The following NEK1 variants were observed in gnomAD, a reference collection of about 807,000 sequenced individuals.
NEK1 encodes the protein serine/threonine-protein kinase Nek1.
NEK1 carries 137 observed loss-of-function variants against 182.1 expected under a neutral mutation model. That is an observed-to-expected ratio of 0.75 (90% CI 0.65 to 0.87). The LOEUF (loss-of-function observed/expected upper bound fraction) is 0.87, where lower values mean the gene tolerates loss of function less well. Ranked by LOEUF, NEK1 falls within the 40% of genes least tolerant of loss-of-function variation. NEK1 has a pLI of 0.00. For synonymous variants in NEK1, 513 were observed against 492.2 expected (o/e 1.04, Z -0.56); for missense variants, 1,391 against 1,494.4 (o/e 0.93, Z 1.14).
At chr4:169,419,752 T>G (rs947868690) in intron 31 of NEK1, among the ~76,000 whole-genome samples, 1 of 152,228 alleles carries the variant, frequency 6.6e-6, no homozygotes, top group Non-Finnish European at 1.5e-5. Flanking sequence ...ATCTAGGATA[T>G]GTGGTACAGC....
At chr4:169,581,233 T>C (rs1204874475) in intron 10 of NEK1, among the ~76,000 whole-genome samples, 4 of 151,926 alleles carry the variant, frequency 2.6e-5, no homozygotes, top group African/African-American at 9.7e-5. Context: ...ATTCCTCTCA[T>C]GCTTACTCCC....
chr4:169,500,733 C>T (rs1752281292), intron 23 of NEK1, among the ~76,000 whole-genome samples: 1 of 152,140 alleles, frequency 6.6e-6, no homozygotes, highest in East Asian at 1.9e-4. Context: ...TTGTCACCAG[C>T]AGATAGGCCC....
intron 7 of NEK1, among the ~76,000 whole-genome samples, chr4:169,588,993 C>A (rs1475062188): frequency 6.6e-6 from 1 of 152,156 alleles, no homozygotes; most frequent in Non-Finnish European, 1.5e-5. Flanking sequence ...TGTGCTAGGT[C>A]TTCACATTCA....
chr4:169,434,005 A>C (rs1359172254), intron 28 of NEK1, among the ~76,000 whole-genome samples: 1 of 152,148 alleles, frequency 6.6e-6, no homozygotes, highest in Non-Finnish European at 1.5e-5. Flanking sequence ...AAACAGTTTA[A>C]AGAATAAAGA....
At chr4:169,497,797 C>T (rs547857414) in intron 23 of NEK1, among the ~76,000 whole-genome samples, 45 of 152,256 alleles carry the variant, frequency 3.0e-4, no homozygotes, top group African/African-American at 1.0e-3. Context: ...TGTTCTTTTA[C>T]ATTTGCTGAG....
chr4:169,508,826 C>T lies in NEK1; in HGVS notation c.1692G>A (p.Met564Ile). 6.3e-7 allele frequency: 1 copy of T among 1,592,188 alleles called. No individual in the cohort carries two copies. The highest frequency in any genetic ancestry group is 8.5e-7 in the Non-Finnish European group (1 of 1,176,976). Residue 564 changes from methionine to isoleucine, a missense_variant, in exon 20 of 36, where the codon ATG becomes ATA. By Grantham distance (10) the Met-to-Ile change is conservative. Transcript: ENST00000507142. ...TTGAAGAGCTGGGCCTGCCTCCATA[C>T]ATAGCTGCCAGGTTTTGCAGGATTC... ...HMGILQNLAA[M>I]YGGRPSSSRG...
intron 19 of NEK1, among the ~76,000 whole-genome samples, chr4:169,515,119 T>C (rs1167609026): frequency 6.6e-6 from 1 of 152,162 alleles, no homozygotes; most frequent in African/African-American, 2.4e-5. Context: ...AATTTTTAAA[T>C]GTTTGGAGAT....
At chr4:169,548,311 G>A (rs779199607) in intron 18 of NEK1, among the ~76,000 whole-genome samples, 8 of 152,218 alleles carry the variant, frequency 5.3e-5, no homozygotes, top group Non-Finnish European at 8.8e-5. Context: ...GAACAGCAAA[G>A]ATTGCTGCCT....
chr4:169,590,183 C>G (rs561807582), intron 6 of NEK1, among the ~76,000 whole-genome samples: 88 of 152,252 alleles, frequency 5.8e-4, no homozygotes, highest in African/African-American at 2.0e-3. Flanking sequence ...TGGCAGGTGC[C>G]TGCAATCCCA....
At chr4:169,557,067 C>T (rs1762268627) in intron 16 of NEK1, among the ~76,000 whole-genome samples, 1 of 151,888 alleles carries the variant, frequency 6.6e-6, no homozygotes, top group African/African-American at 2.4e-5. Flanking sequence ...TTTCTAGCAG[C>T]AGTAGTATAT....
chr4:169,498,475 A>G (rs1041471622), intron 23 of NEK1, among the ~76,000 whole-genome samples: 1 of 152,158 alleles, frequency 6.6e-6, no homozygotes, highest in Non-Finnish European at 1.5e-5. Context: ...TTTGCTCATT[A>G]GTTGATGCAG....
chr4:169,502,459 A>T (rs532424744), intron 23 of NEK1, among the ~76,000 whole-genome samples: 2 of 152,082 alleles, frequency 1.3e-5, no homozygotes, highest in Non-Finnish European at 2.9e-5. Context: ...AATGTTGCTG[A>T]TGAAAATAGA....
At chr4:169,476,531 G>GA (rs1746972307) in intron 26 of NEK1, among the ~76,000 whole-genome samples, 1 of 151,920 alleles carries the variant, frequency 6.6e-6, no homozygotes, top group South Asian at 2.1e-4. Flanking sequence ...TCCAATGCAA[G>GA]AAAAAATTCT....
chr4:169,578,023 G>A lies in NEK1; in HGVS notation c.869-944C>T, dbSNP rs540359452. Among the ~76,000 whole-genome samples, 7 of 152,048 alleles carry A rather than the reference G, an allele frequency of 4.6e-5. No individual in the cohort carries two copies. The East Asian group carries it at 7.7e-4, about 17-fold the overall frequency. ...GAAATATAAATTGGTTACACTTTCT[G>A]GAGAGCAATCTATATTAAGAATATT... On this transcript the variant is annotated intron_variant, in intron 11 of 35. Transcript: ENST00000507142.
chr4:169,457,981 T>C (rs1281232614), intron 27 of NEK1, among the ~76,000 whole-genome samples: 5 of 151,916 alleles, frequency 3.3e-5, no homozygotes, highest in Non-Finnish European at 7.4e-5. Context: ...TGTCAGTTTT[T>C]TTCCAACTTG....
At chr4:169,488,233 T>C (rs1219915250) in intron 23 of NEK1, among the ~76,000 whole-genome samples, 1 of 152,208 alleles carries the variant, frequency 6.6e-6, no homozygotes, top group Non-Finnish European at 1.5e-5. Context: ...CATTTCATCA[T>C]GAAATCTTTA....
In NEK1 at chr4:169,394,287, T is replaced by G; in HGVS notation, c.*223A>C. ...TGGATGATTTAATAAAGTATATATT[T>G]TATGAGATTTAACCATGGAATTCAA... On this transcript the variant is annotated 3_prime_UTR_variant, in exon 36 of 36. Transcript: ENST00000507142. The G allele has an allele frequency of 2.4e-6, 1 of 410,556 alleles. No homozygotes were observed. 25.4% of individuals were successfully genotyped at this position (410,556 alleles called of 1,614,324 possible).
intron 23 of NEK1, among the ~76,000 whole-genome samples, chr4:169,484,434 T>C (rs1413231007): frequency 1.3e-5 from 2 of 152,174 alleles, no homozygotes; most frequent in Admixed American, 6.5e-5. Context: ...TTAAAATACA[T>C]ATTAATACCT....
intron 27 of NEK1, among the ~76,000 whole-genome samples, chr4:169,447,941 T>C (rs1579713443): frequency 6.6e-6 from 1 of 151,954 alleles, no homozygotes; most frequent in Non-Finnish European, 1.5e-5. Context: ...TCCTAGAACT[T>C]TGGAAGGCTG....
Sources: allele counts gnomAD v4.1 joint callset (sites outside exome capture counted in the v4.1 genomes callset), GRCh38; gene constraint gnomAD v4.1.1; transcripts MANE v1.5; gene names NCBI Gene and HGNC (gene_info 2026-07-23, HGNC 2026-07-21).